Variants in FHIT observed in about 807,000 individuals in gnomAD.
The protein encoded by FHIT is fragile histidine triad diadenosine triphosphatase.
FHIT carries 19 observed loss-of-function variants against 17.9 expected under a neutral mutation model. That is an observed-to-expected ratio of 1.06 (90% confidence interval 0.74 to 1.56). The LOEUF (loss-of-function observed/expected upper bound fraction) is 1.56. FHIT is among the 40% of genes most tolerant of loss of function. The pLI, the probability that FHIT is intolerant of heterozygous loss-of-function variation, is 0.00. For missense variants in FHIT, 248 were observed against 189.2 expected (o/e 1.31, Z -1.82); for synonymous variants, 81 against 69.7 (o/e 1.16, Z -0.81).
Position 60,980,558 on chromosome 3 carries a change from A to C in FHIT, c.-111+61489T>G, listed in dbSNP as rs372514120. ...ATGAAAATCTCCTCTCTGCCTACTC[A>C]TAACTCCCAGATGTCGGTTCCAGAA... On this transcript the variant is annotated intron_variant, in intron 3 of 9. Transcript: ENST00000492590. Among the ~76,000 whole-genome samples, 63 of 152,306 alleles carry C rather than the reference A, an allele frequency of 4.1e-4. 1 individual carries two copies. The highest frequency in any genetic ancestry group is 1.3e-3 in the African/African-American group (55 of 41,566).
At chr3:60,066,154 G>T (rs1702493311) in intron 5 of FHIT, among the ~76,000 whole-genome samples, 1 of 152,062 alleles carries the variant, frequency 6.6e-6, no homozygotes, top group Non-Finnish European at 1.5e-5. Context: ...GGATAGTACA[G>T]GGTACTCACC....
At chr3:60,476,154 C>T (rs1261488548) in intron 5 of FHIT, among the ~76,000 whole-genome samples, 3 of 152,124 alleles carry the variant, frequency 2.0e-5, no homozygotes, top group Non-Finnish European at 2.9e-5. Flanking sequence ...GAGATATGCA[C>T]CATTTGCAAA....
intron 8 of FHIT, among the ~76,000 whole-genome samples, chr3:59,920,218 T>C (rs929185054): frequency 3.3e-5 from 5 of 152,208 alleles, no homozygotes; most frequent in Non-Finnish European, 7.3e-5. Context: ...CAATATCATA[T>C]GGTTAGTAGA....
intron 5 of FHIT, among the ~76,000 whole-genome samples, chr3:60,149,507 C>T (rs987324385): frequency 6.6e-6 from 1 of 152,020 alleles, no homozygotes; most frequent in African/African-American, 2.4e-5. Flanking sequence ...CAAAATATAT[C>T]TGCCATTAAA....
chr3:60,506,378 T>C lies in FHIT; in HGVS notation c.103+30482A>G, dbSNP rs1160877560. Among the ~76,000 whole-genome samples the C allele has an allele frequency of 2.0e-5, 3 of 152,182 alleles. No homozygotes were observed. The East Asian group carries it at 5.8e-4, about 29-fold the overall frequency. On this transcript the variant is annotated intron_variant, in intron 5 of 9. Transcript: ENST00000492590. ...GTGCCTTTGGAGAAATTATTTATCA[T>C]ATATTATCTATATTACAGAGATTGT...
chr3:61,026,184 A>G (rs2032721696), intron 3 of FHIT, among the ~76,000 whole-genome samples: 1 of 152,158 alleles, frequency 6.6e-6, no homozygotes, highest in Admixed American at 6.5e-5. Flanking sequence ...AAGAAGAAGA[A>G]TGAAGAGTAA....
intron 2 of FHIT, among the ~76,000 whole-genome samples, chr3:61,050,058 A>C (rs1460573961): frequency 6.6e-6 from 1 of 152,178 alleles, no homozygotes; most frequent in Non-Finnish European, 1.5e-5. Context: ...AACCTAGCAT[A>C]AAAAGTACAC....
At chr3:60,740,227 GT>G (rs2108007369) in intron 4 of FHIT, among the ~76,000 whole-genome samples, 1 of 152,298 alleles carries the variant, frequency 6.6e-6, no homozygotes, top group Non-Finnish European at 1.5e-5. Flanking sequence ...TTATGAGGTG[GT>G]TTAGCCTAAG....
intron 5 of FHIT, among the ~76,000 whole-genome samples, chr3:60,367,433 C>T (rs954918779): frequency 1.3e-5 from 2 of 152,066 alleles, no homozygotes; most frequent in African/African-American, 4.8e-5. Flanking sequence ...GGAGTTTTTG[C>T]TAATTTTGCT....
At chr3:60,059,843 T>C (rs1702229803) in intron 5 of FHIT, among the ~76,000 whole-genome samples, 1 of 152,212 alleles carries the variant, frequency 6.6e-6, no homozygotes, top group Non-Finnish European at 1.5e-5. Flanking sequence ...AAGTTTACCT[T>C]TTCCTTATAA....
At chr3:60,092,254 T>C (rs1421817118) in intron 5 of FHIT, among the ~76,000 whole-genome samples, 1 of 152,168 alleles carries the variant, frequency 6.6e-6, no homozygotes, top group African/African-American at 2.4e-5. Flanking sequence ...TTTATATTGA[T>C]TTGGTTATAT....
chr3:59,928,203 C>T (rs1705770213), intron 7 of FHIT, among the ~76,000 whole-genome samples: 1 of 152,174 alleles, frequency 6.6e-6, no homozygotes, highest in Admixed American at 6.5e-5. Context: ...TGTGGTAAAA[C>T]GATAATGGCC....
chr3:60,439,216 G>C (rs1388418402), intron 5 of FHIT, among the ~76,000 whole-genome samples: 1 of 152,106 alleles, frequency 6.6e-6, no homozygotes, highest in Non-Finnish European at 1.5e-5. Context: ...AAGTAGAGGT[G>C]AGACTCCAAC....
chr3:61,161,321 C>A (rs1227639612), intron 2 of FHIT, among the ~76,000 whole-genome samples: 1 of 151,970 alleles, frequency 6.6e-6, no homozygotes, highest in East Asian at 1.9e-4. Flanking sequence ...CTTGCCTCAG[C>A]CTCCCAGGTA....
At chr3:60,448,416 C>A (rs971689213) in intron 5 of FHIT, among the ~76,000 whole-genome samples, 4 of 152,000 alleles carry the variant, frequency 2.6e-5, no homozygotes, top group Non-Finnish European at 4.4e-5. Context: ...CAACTGATGT[C>A]CAAAAAATAA....
At chr3:60,569,755 A>ATATTTATT in intron 4 of FHIT, among the ~76,000 whole-genome samples, 3 of 77,344 alleles carry the variant, frequency 3.9e-5, no homozygotes, top group Admixed American at 2.0e-4. Context: ...ATATATATAT[A>ATATTTATT]TTTTTTTTTT....
intron 3 of FHIT, among the ~76,000 whole-genome samples, chr3:60,978,171 T>C (rs1419083855): frequency 6.6e-6 from 1 of 152,176 alleles, no homozygotes. Context: ...GCCAGGTCCT[T>C]AAAGAACCCA....
chr3:60,922,746 C>T (rs1234831470), intron 3 of FHIT, among the ~76,000 whole-genome samples: 2 of 152,188 alleles, frequency 1.3e-5, no homozygotes, highest in African/African-American at 4.8e-5. Flanking sequence ...ATTTCTCCAT[C>T]TTACCTTCTT....
intron 4 of FHIT, among the ~76,000 whole-genome samples, chr3:60,592,361 T>C (rs1038874573): frequency 6.6e-6 from 1 of 151,832 alleles, no homozygotes; most frequent in Non-Finnish European, 1.5e-5. Context: ...ATCTAGTCTA[T>C]TTGTTAGAAA....
Sources: gnomAD v4.1 joint callset for allele counts (sites outside exome capture counted in the v4.1 genomes callset) on GRCh38, gnomAD v4.1.1 for gene constraint, MANE v1.5 for transcripts, NCBI Gene and HGNC (gene_info 2026-07-23, HGNC 2026-07-21) for gene names.